IL1RAPL1: variants seen among roughly 807,000 people sequenced by gnomAD.
IL1RAPL1 encodes interleukin-1 receptor accessory protein-like 1.
A neutral mutation model predicts 48.4 loss-of-function variants in IL1RAPL1; 3 were observed. The observed-to-expected ratio is 0.06, with a 90% confidence interval of 0.03 to 0.16. The LOEUF is 0.16. Among genes scored for constraint, IL1RAPL1 ranks in the 10% least tolerant of loss-of-function variants. The pLI is 1.00. For synonymous variants in IL1RAPL1, 185 were observed against 187.7 expected, an observed-to-expected ratio of 0.99 and a Z score of 0.12; for missense variants, 349 against 530.6, an observed-to-expected ratio of 0.66 and a Z score of 3.36.
intron 5 of IL1RAPL1, among the ~76,000 whole-genome samples, chrX:29,487,540 A>T (rs1935110001): frequency 8.9e-6 from 1 of 112,124 alleles, no homozygotes; most frequent in Middle Eastern, 4.2e-3. Flanking sequence ...ACAGAAATGC[A>T]CTGGTCAATA....
intron 2 of IL1RAPL1, among the ~76,000 whole-genome samples, chrX:29,063,886 A>G (rs1230599651): frequency 9.0e-6 from 1 of 111,687 alleles, no homozygotes; most frequent in Non-Finnish European, 1.9e-5. Flanking sequence ...AGGCTTTCCT[A>G]TTTTTTTCCT....
intron 1 of IL1RAPL1, among the ~76,000 whole-genome samples, chrX:28,644,245 A>G (rs1266712191): frequency 9.0e-6 from 1 of 111,338 alleles, no homozygotes; most frequent in Non-Finnish European, 1.9e-5. Context: ...TCATTGAGTT[A>G]GTTGCTGATC....
At chrX:29,861,528 T>C (rs1171615640) in intron 6 of IL1RAPL1, among the ~76,000 whole-genome samples, 1 of 110,970 alleles carries the variant, frequency 9.0e-6, no homozygotes, top group African/African-American at 3.3e-5. Flanking sequence ...TAGCTGATCC[T>C]GGTAAGACTG....
intron 5 of IL1RAPL1, among the ~76,000 whole-genome samples, chrX:29,622,808 G>A (rs2147075091): frequency 9.0e-6 from 1 of 111,070 alleles, no homozygotes; most frequent in South Asian, 3.8e-4. Context: ...AGAAAATTGT[G>A]GGATTTATTA....
intron 9 of IL1RAPL1, among the ~76,000 whole-genome samples, chrX:29,943,544 T>A (rs889110644): frequency 1.8e-5 from 2 of 112,414 alleles, no homozygotes; most frequent in South Asian, 3.7e-4. Flanking sequence ...GTATTTTTTT[T>A]AAATTTAGTA....
chrX:28,749,153 C>T (rs1601886167), intron 1 of IL1RAPL1, among the ~76,000 whole-genome samples: 1 of 111,748 alleles, frequency 8.9e-6, no homozygotes, highest in Non-Finnish European at 1.9e-5. Flanking sequence ...TTTCTTTATC[C>T]ATTCATCTGT....
chrX:29,159,748 CAA>C (rs1929644232), intron 2 of IL1RAPL1, among the ~76,000 whole-genome samples: 1 of 110,953 alleles, frequency 9.0e-6, no homozygotes, highest in South Asian at 3.8e-4. Context: ...TTTTTTGAGA[CAA>C]AGTTTCGCTC....
chrX:29,464,942 G>A (rs762579071), intron 5 of IL1RAPL1, among the ~76,000 whole-genome samples: 24 of 111,370 alleles, frequency 2.2e-4, no homozygotes, highest in Non-Finnish European at 4.0e-4. Context: ...TGGCAGGAGG[G>A]TGAGGATGGA....
At chrX:28,968,860 T>C (rs1276660672) in intron 2 of IL1RAPL1, among the ~76,000 whole-genome samples, 2 of 112,703 alleles carry the variant, frequency 1.8e-5, no homozygotes, top group Non-Finnish European at 3.8e-5. Flanking sequence ...GGAATACATG[T>C]TATTTTCTTT....
intron 2 of IL1RAPL1, among the ~76,000 whole-genome samples, chrX:29,104,834 C>T (rs1436234330): frequency 9.0e-6 from 1 of 111,712 alleles, no homozygotes; most frequent in Admixed American, 9.5e-5. Context: ...ATTAAGGTTT[C>T]TTTCATTTTT....
At chrX:29,264,988 C>G (rs1931927015) in intron 2 of IL1RAPL1, among the ~76,000 whole-genome samples, 1 of 111,743 alleles carries the variant, frequency 8.9e-6, no homozygotes, top group African/African-American at 3.3e-5. Flanking sequence ...TCTGGGCTCA[C>G]TGCAACCTCC....
At position 29,472,516 on chromosome X, in the gene IL1RAPL1, T is replaced by C. The variant is rs776647108; in HGVS notation, c.703+73208T>C. Among the ~76,000 whole-genome samples, 12 of 112,328 alleles carry C rather than the reference T, an allele frequency of 1.1e-4. No individual in the cohort carries two copies. In the South Asian group the frequency reaches 3.7e-3, roughly 34 times the overall value. Reference sequence around the variant, plus strand: ...ACCTGTCAAGGCCAGACTAATTTATTTACCCTGAATATATAACCATCTTAC... The same window carrying C: ...ACCTGTCAAGGCCAGACTAATTTATCTACCCTGAATATATAACCATCTTAC... On this transcript the variant is annotated intron_variant, in intron 5 of 10. Transcript: ENST00000378993.
chrX:28,728,402 C>T (rs1036845504), intron 1 of IL1RAPL1, among the ~76,000 whole-genome samples: 4 of 111,878 alleles, frequency 3.6e-5, no homozygotes, highest in African/African-American at 1.3e-4. Flanking sequence ...AGAATTTATT[C>T]TCTGCAGATA....
chrX:28,849,139 T>TA (rs34892376), intron 2 of IL1RAPL1, among the ~76,000 whole-genome samples: 6,757 of 99,661 alleles, frequency 0.068, 446 homozygotes, highest in East Asian at 0.25. Context: ...ACAAGGCAAT[T>TA]AAAAAAAAAA....
intron 2 of IL1RAPL1, among the ~76,000 whole-genome samples, chrX:29,058,602 T>C (rs187432159): frequency 8.9e-6 from 1 of 112,257 alleles, no homozygotes; most frequent in East Asian, 2.8e-4. Flanking sequence ...ACATTTATCC[T>C]AGGGGCATTC....
rs777501897 is a variant in IL1RAPL1, at chrX:29,763,050, G to GT, written c.778+94560dup. On this transcript the variant is annotated intron_variant, in intron 6 of 10. Coordinates refer to ENST00000378993, the MANE Select transcript of IL1RAPL1 (RefSeq NM_014271.4). ...CTAAAGTGATAAGAAAAAGTTTTTT[G>GT]TTTTTTTTTTTTTTGAGCAAAACTG... Among the ~76,000 whole-genome samples, 723 of 93,944 alleles carry GT rather than the reference G, an allele frequency of 7.7e-3. 4 individuals are homozygous for GT. The highest frequency in any genetic ancestry group is 0.018 in the African/African-American group (470 of 26,180). The allele number at this position is 93,944 out of a possible 115,157, so 81.6% of individuals were successfully genotyped here. A position where few individuals can be genotyped will look rare whatever the true frequency, so the allele number is the denominator to read the frequency against.
At chrX:29,660,566 C>T (rs190137957) in intron 5 of IL1RAPL1, among the ~76,000 whole-genome samples, 1 of 111,520 alleles carries the variant, frequency 9.0e-6, no homozygotes, top group Admixed American at 9.5e-5. Flanking sequence ...TCCATGTTTC[C>T]CACACCATTT....
In IL1RAPL1 at chrX:29,955,588, G is replaced by A. The variant is rs1933402695; in HGVS notation, c.1859G>A (p.Arg620His). ...TFHNTYHSQMRQKHYYRSYEY... is the reference protein window; with the variant it reads ...TFHNTYHSQMHQKHYYRSYEY... ...CACAACACGTACCATTCACAAATGCGTCAGAAACACTACTACCGAAGCTAT... is the reference window on the plus strand; with the variant it reads ...CACAACACGTACCATTCACAAATGCATCAGAAACACTACTACCGAAGCTAT... Residue 620 changes from arginine to histidine, a missense_variant, in exon 11 of 11, where the codon CGT (arginine) becomes CAT (histidine). Arg to His is a conservative substitution (Grantham distance 29, BLOSUM62 0). Coordinates refer to ENST00000378993, the MANE Select transcript of IL1RAPL1 (RefSeq NM_014271.4). 6 of 1,203,571 alleles carry A rather than the reference G, an allele frequency of 5.0e-6. No individual in the cohort carries two copies. In the African/African-American group the frequency reaches 5.3e-5, roughly 11 times the overall value.
chrX:28,689,395 A>G (rs1259893558), intron 1 of IL1RAPL1, among the ~76,000 whole-genome samples: 1 of 110,928 alleles, frequency 9.0e-6, no homozygotes, highest in Non-Finnish European at 1.9e-5. Context: ...CACATGAAGA[A>G]GTACATGTTT....
Sources: allele counts gnomAD v4.1 joint callset (sites outside exome capture counted in the v4.1 genomes callset), GRCh38; gene constraint gnomAD v4.1.1; transcripts MANE v1.5; gene names NCBI Gene and HGNC (gene_info 2026-07-23, HGNC 2026-07-21).